TRPM3: variants seen among roughly 807,000 people sequenced by gnomAD.
TRPM3 encodes the protein long transient receptor potential channel 3.
In TRPM3, 77 loss-of-function variants were observed where a neutral mutation model predicts 181.2. The observed-to-expected ratio is 0.42, with a 90% CI of 0.35 to 0.51. The LOEUF (loss-of-function observed/expected upper bound fraction) is 0.51. Ranked by LOEUF, TRPM3 falls within the 20% of genes least tolerant of loss-of-function variation. The pLI is 0.01. For missense variants in TRPM3, 1,759 were observed against 2,196.7 expected, an observed-to-expected ratio of 0.80 and a Z score of 3.98; for synonymous variants, 745 against 796.4, an observed-to-expected ratio of 0.94 and a Z score of 1.09.
intron 1 of TRPM3, among the ~76,000 whole-genome samples, chr9:70,970,344 C>T (rs1251275095): frequency 6.6e-6 from 1 of 152,024 alleles, no homozygotes; most frequent in Non-Finnish European, 1.5e-5. Context: ...CATCAGAGTC[C>T]CTTTAAAGTC....
chr9:71,327,447 A>G (rs933884637), intron 1 of TRPM3, among the ~76,000 whole-genome samples: 3 of 152,076 alleles, frequency 2.0e-5, no homozygotes, highest in African/African-American at 7.2e-5. Flanking sequence ...TTTTCCAGGG[A>G]TATAGAGAAG....
intron 22 of TRPM3, among the ~76,000 whole-genome samples, chr9:70,561,454 G>C (rs1406868499): frequency 6.6e-6 from 1 of 152,112 alleles, no homozygotes; most frequent in Admixed American, 6.6e-5. Flanking sequence ...GTGGGTCCAG[G>C]TGGAGGTTTT....
At chr9:70,915,366 C>G (rs994776989) in intron 1 of TRPM3, among the ~76,000 whole-genome samples, 1 of 151,838 alleles carries the variant, frequency 6.6e-6, no homozygotes, top group African/African-American at 2.4e-5. Flanking sequence ...GGCCCAATCT[C>G]GGCTCACTGC....
chr9:71,236,139 GTCT>G (rs1356977642), intron 1 of TRPM3, among the ~76,000 whole-genome samples: 1 of 152,114 alleles, frequency 6.6e-6, no homozygotes, highest in African/African-American at 2.4e-5. Context: ...TAAATTAACT[GTCT>G]CCATTCTCAA....
At chr9:71,326,937 T>G (rs59384891) in intron 1 of TRPM3, among the ~76,000 whole-genome samples, 3,640 of 152,276 alleles carry the variant, frequency 0.024, 144 homozygotes, top group African/African-American at 0.083. Context: ...CTGAGCTGTG[T>G]AATACACTGG....
At chr9:70,969,170 A>G (rs529020754) in intron 1 of TRPM3, among the ~76,000 whole-genome samples, 62 of 152,296 alleles carry the variant, frequency 4.1e-4, no homozygotes, top group African/African-American at 1.4e-3. Context: ...AAACAATTAC[A>G]AGAACAGAAA....
chr9:70,935,918 T>G (rs1369863222), intron 1 of TRPM3, among the ~76,000 whole-genome samples: 1 of 151,996 alleles, frequency 6.6e-6, no homozygotes, highest in African/African-American at 2.4e-5. Flanking sequence ...GGAAAAGGAG[T>G]AGTGGTGGTT....
At chr9:71,186,049 G>T (rs939252551) in intron 1 of TRPM3, among the ~76,000 whole-genome samples, 7 of 151,948 alleles carry the variant, frequency 4.6e-5, no homozygotes, top group African/African-American at 1.7e-4. Flanking sequence ...TCTAGTATTC[G>T]TTGGTTTGCA....
At chr9:71,412,952 C>A (rs1454761886) in intron 1 of TRPM3, among the ~76,000 whole-genome samples, 2 of 151,716 alleles carry the variant, frequency 1.3e-5, no homozygotes, top group East Asian at 1.9e-4. Context: ...TTTGTAGGGA[C>A]ATGGATGAAG....
chr9:71,130,497 A>G (rs2074303707), intron 1 of TRPM3, among the ~76,000 whole-genome samples: 2 of 152,208 alleles, frequency 1.3e-5, no homozygotes, highest in African/African-American at 4.8e-5. Context: ...ATTCACATTT[A>G]CTTGGACTTC....
In TRPM3 at chr9:70,535,944, TAAG is replaced by T; in HGVS notation, c.*6_*8del. The stretch of plus-strand genomic sequence containing the variant: ...TTCTTGAGCCTTCTGTGGCGGATAT[TAAG>T]AAGGTTTAGTTGTGCTTGCTTTCAA... On this transcript the variant is annotated 3_prime_UTR_variant, in exon 26 of 26. Transcript: ENST00000677713. The T allele has an allele frequency of 1.3e-6, 2 of 1,563,548 alleles. No individual in the cohort carries two copies. Among genetic ancestry groups the T allele is most frequent in the South Asian group, 1.2e-5 (1 of 81,862 alleles).
At chr9:70,987,036 T>A (rs1477003121) in intron 1 of TRPM3, among the ~76,000 whole-genome samples, 1 of 151,850 alleles carries the variant, frequency 6.6e-6, no homozygotes, top group Non-Finnish European at 1.5e-5. Context: ...TTTACTTGAT[T>A]TTAATTAATT....
intron 1 of TRPM3, among the ~76,000 whole-genome samples, chr9:71,422,960 A>G (rs1381496314): frequency 6.6e-6 from 1 of 152,062 alleles, no homozygotes; most frequent in Non-Finnish European, 1.5e-5. Context: ...TCACCACATC[A>G]AGATGCAATA....
At chr9:70,802,759 C>T (rs13285335) in intron 6 of TRPM3, among the ~76,000 whole-genome samples, 15,580 of 152,018 alleles carry the variant, frequency 0.1, 865 homozygotes, top group Non-Finnish European at 0.13. Context: ...TGCTACGATT[C>T]GACCCTATTT....
intron 1 of TRPM3, among the ~76,000 whole-genome samples, chr9:71,329,831 A>C (rs542414939): frequency 7.9e-5 from 12 of 152,320 alleles, no homozygotes; most frequent in African/African-American, 2.6e-4. Context: ...ATTCTATTAA[A>C]GGAGGATTCT....
chr9:70,742,360 A>G (rs147102682), intron 8 of TRPM3, among the ~76,000 whole-genome samples: 11 of 152,224 alleles, frequency 7.2e-5, no homozygotes, highest in East Asian at 3.9e-4. Context: ...TGATGTTTTG[A>G]TATATATAAT....
intron 1 of TRPM3, among the ~76,000 whole-genome samples, chr9:71,235,741 G>A (rs1325258318): frequency 6.6e-6 from 1 of 152,116 alleles, no homozygotes; most frequent in Admixed American, 6.5e-5. Context: ...CTGCAATACT[G>A]CAAAGTCAAA....
intron 1 of TRPM3, among the ~76,000 whole-genome samples, chr9:71,297,615 T>C (rs2086398944): frequency 6.6e-6 from 1 of 152,104 alleles, no homozygotes; most frequent in African/African-American, 2.4e-5. Flanking sequence ...AAGACTAGCA[T>C]AGGAGAAACT....
At chr9:71,381,755 TCACAA>T (rs1275781208) in intron 1 of TRPM3, among the ~76,000 whole-genome samples, 6 of 152,110 alleles carry the variant, frequency 3.9e-5, no homozygotes, top group Non-Finnish European at 7.4e-5. Context: ...CCCATACAAT[TCACAA>T]CACTACACCA....
Sources: gnomAD v4.1 joint callset for allele counts (sites outside exome capture counted in the v4.1 genomes callset) on GRCh38, gnomAD v4.1.1 for gene constraint, MANE v1.5 for transcripts, NCBI Gene and HGNC (gene_info 2026-07-23, HGNC 2026-07-21) for gene names.